Variants in AHNAK2 observed in about 807,000 individuals in gnomAD.
AHNAK2 encodes AHNAK nucleoprotein 2.
Under a neutral mutation model 30.7 loss-of-function variants are expected in AHNAK2, and 18 were observed. The observed-to-expected ratio is 0.59, with a 90% CI of 0.41 to 0.87. The LOEUF (loss-of-function observed/expected upper bound fraction) is 0.87, where lower values mean the gene tolerates loss of function less well. Among genes scored for constraint, AHNAK2 ranks in the 40% least tolerant of loss-of-function variants. The probability of loss-of-function intolerance (pLI) is 0.00; values close to 1 mark genes in which losing one functional copy is unlikely to be tolerated. For missense variants in AHNAK2, 8,604 were observed against 7,373.0 expected, an observed-to-expected ratio of 1.17 and a Z score of -6.11; for synonymous variants, 3,590 against 3,073.8, an observed-to-expected ratio of 1.17 and a Z score of -5.56.
In AHNAK2 at chr14:104,947,615, G is replaced by A. The variant is rs780535535; in HGVS notation, c.7836C>T (p.Ser2612=). Residue 2612 remains serine, a synonymous_variant, in exon 7 of 7, where the codon TCC becomes TCT. Transcript: ENST00000333244. ...GGGCCTGGACGTCCACCTCCATGCT[G>A]GACAGAGACATCTCCACATCGGGGG... ...VTAPDVEMSL[S]SMEVDVQAPR... The A allele has an allele frequency of 2.5e-6, 4 of 1,612,808 alleles. No individual in the cohort carries two copies. In the South Asian group the frequency reaches 4.4e-5, roughly 18 times the overall value.
rs201648026 is a variant in AHNAK2, at chr14:104,941,433, T to G, written c.14018A>C (p.His4673Pro). ...STFPIVESVV[H>P]EGDLHDPSRD... The stretch of plus-strand genomic sequence containing the variant: ...AGATGGATCATGAAGATCACCTTCA[T>G]GAACAACAGATTCCACAATGGGAAA... Residue 4673 changes from histidine (H) to proline (P), a missense_variant, in exon 7 of 7, where the codon CAT becomes CCT. By Grantham distance (77) the His-to-Pro change is moderately conservative (BLOSUM62 -2). Coordinates refer to ENST00000333244, the MANE Select transcript of AHNAK2 (RefSeq NM_138420.4). 2.5e-6 allele frequency: 4 copies of G among 1,612,790 alleles called. No individual in the cohort carries two copies. In the African/African-American group the frequency reaches 5.3e-5, roughly 22 times the overall value.
At position 104,957,675 on chromosome 14, in the gene AHNAK2, G is replaced by A. The variant is rs764625980; in HGVS notation, c.56-3C>T. ...GGGCTGCAGCTGACGGCCGGACACTGCAGAGAGAGTGGCTGTCAGTGGAGA... is the reference window on the plus strand; with the variant it reads ...GGGCTGCAGCTGACGGCCGGACACTACAGAGAGAGTGGCTGTCAGTGGAGA... On this transcript the variant is annotated splice_region_variant and splice_polypyrimidine_tract_variant and intron_variant, in intron 1 of 6. Transcript: ENST00000333244. 6.2e-6 allele frequency: 10 copies of A among 1,609,382 alleles called. No individual in the cohort carries two copies. The highest frequency in any genetic ancestry group is 8.5e-6 in the Non-Finnish European group (10 of 1,178,550).
rs377328325 is a variant in AHNAK2 at position 104,940,248 on chromosome 14, C to A, written c.15203G>T (p.Gly5068Val). The A allele has an allele frequency of 6.2e-7, 1 of 1,613,656 alleles. No individual in the cohort carries two copies. The highest frequency in any genetic ancestry group is 2.2e-5 in the East Asian group (1 of 44,886). ...FQDTEKASSD[G>V]GRGGLGATAS... ...TGTTGCACCAAGTCCTCCCCTACCA[C>A]CGTCACTGCTGGCCTTTTCTGTGTC... The change falls in exon 7 of 7, where the codon GGT becomes GTT. Residue 5068 changes from glycine (G) to valine (V), a missense_variant. By Grantham distance (109) the Gly-to-Val change is moderately radical. Transcript: ENST00000333244. The surrounding 1 kb of genome is among the most constrained non-coding windows in gnomAD (Gnocchi z 4.4).
rs200659301 is a variant in AHNAK2, at chr14:104,949,809, A to T, written c.5642T>A (p.Val1881Glu). The change falls in exon 7 of 7, where the codon GTG becomes GAG. Residue 1881 changes from valine to glutamate, a missense_variant. Transcript: ENST00000333244. ...LCIPLPSADLVVQAGQVDMKL... is the reference protein window; with the variant it reads ...LCIPLPSADLEVQAGQVDMKL... ...CATGTCCACTTGGCCAGCCTGGACCACCAGGTCTGCAGAAGGGAGCGGAAT... is the reference window on the plus strand; with the variant it reads ...CATGTCCACTTGGCCAGCCTGGACCTCCAGGTCTGCAGAAGGGAGCGGAAT... 593 of 1,581,122 alleles carry T rather than the reference A, an allele frequency of 3.8e-4. 70 individuals are homozygous for T. In the African/African-American group the frequency reaches 4.0e-3, roughly 11 times the overall value.
In AHNAK2 at chr14:104,948,071, C is replaced by A; in HGVS notation, c.7380G>T (p.Leu2460=). 6.2e-7 allele frequency: 1 copy of A among 1,613,046 alleles called. No homozygotes were observed. The highest frequency in any genetic ancestry group is 8.5e-7 in the Non-Finnish European group (1 of 1,179,712). The stretch of plus-strand genomic sequence containing the variant: ...GGTCCCCCTCCAGCCACGCACCATC[C>A]AGCTTGGCTCCCGGGGCCTCGACAT... The part of the protein sequence containing the change: ...EVDVEAPGAK[L]DGAWLEGDLS... The change falls in exon 7 of 7, where the codon CTG becomes CTT. Residue 2460 remains leucine, a synonymous_variant. Transcript: ENST00000333244.
In AHNAK2 at chr14:104,953,802, T is replaced by C; in HGVS notation, c.1649A>G (p.Gln550Arg). The C allele has an allele frequency of 2.5e-6, 4 of 1,613,976 alleles. No individual in the cohort carries two copies. Among genetic ancestry groups the C allele is most frequent in the Non-Finnish European group, 3.4e-6 (4 of 1,179,884 alleles). Residue 550 changes from glutamine (Q) to arginine (R), a missense_variant, in exon 7 of 7, where the codon CAG becomes CGG. By Grantham distance (43) the Gln-to-Arg change is conservative. Transcript: ENST00000333244. ...GREPTTHAEA[Q>R]GDEGDGEEGL... ...TTCCTCTCCATCTCCTTCATCCCCC[T>C]GTGCTTCTGCATGTGTGGTTGGTTC...
Position 104,942,552 on chromosome 14 carries a change from A to G in AHNAK2, c.12899T>C (p.Met4300Thr). 1 of 1,612,840 alleles carries G rather than the reference A, an allele frequency of 6.2e-7. No homozygotes were observed. The highest frequency in any genetic ancestry group is 8.5e-7 in the Non-Finnish European group (1 of 1,179,482). ...DMTAKDSKFK[M>T]PKFKMPSFGV... ...GAACGACGGCATCTTGAACTTGGGC[A>G]TTTTGAACTTGCTGTCTTTGGCAGT... Residue 4300 changes from methionine (M) to threonine (T), a missense_variant, in exon 7 of 7, where the codon ATG becomes ACG. Coordinates refer to ENST00000333244, the MANE Select transcript of AHNAK2 (RefSeq NM_138420.4).
In AHNAK2 at chr14:104,943,351, C is replaced by A; in HGVS notation, c.12100G>T (p.Val4034Leu). ...DLEVQAGQVD[V>L]KLPEGPVPEG... ...GGCACGGGGCCCTCTGGGAGTTTCA[C>A]GTCCACTTGGCCAGCCTGGACCTCC... is the stretch of plus-strand genomic sequence containing the variant. Residue 4034 changes from valine (V) to leucine (L), a missense_variant, in exon 7 of 7, where the codon GTG becomes TTG. By Grantham distance (32) the Val-to-Leu change is conservative. Transcript: ENST00000333244. 6.2e-7 allele frequency: 1 copy of A among 1,612,414 alleles called. No individual in the cohort carries two copies. Among genetic ancestry groups the A allele is most frequent in the Non-Finnish European group, 8.5e-7 (1 of 1,179,342 alleles).
chr14:104,951,230 G>A lies in AHNAK2; in HGVS notation c.4221C>T (p.Leu1407=), dbSNP rs763487563. The change falls in exon 7 of 7, where the codon CTC becomes CTT. Residue 1407 remains leucine, a synonymous_variant. Transcript: ENST00000333244. ...PEGPVPEGAG[L]KGHLPKLQMP... ...TCTGCAGCTTGGGCAGGTGCCCTTT[G>A]AGGCCGGCTCCCTCGGGCACGGGGC... The A allele has an allele frequency of 2.7e-5, 29 of 1,062,368 alleles. 7 individuals carry two copies. In the East Asian group the frequency reaches 4.1e-4, roughly 15 times the overall value. 65.8% of individuals were successfully genotyped at this position (1,062,368 alleles called of 1,614,324 possible).
intron 1 of AHNAK2, among the ~76,000 whole-genome samples, chr14:104,976,082 C>T (rs563893572): frequency 2.0e-5 from 3 of 150,840 alleles, no homozygotes; most frequent in African/African-American, 4.9e-5. Context: ...CAGGCCACAC[C>T]GGGGCAGCAG....
chr14:104,946,949 G>C lies in AHNAK2; in HGVS notation c.8502C>G (p.Ala2834=), dbSNP rs376106281. The part of the protein sequence containing the change: ...GVSAPGKSIE[A]SVDVSELKVE... ...CCTTCAGCTCAGACACATCCACCGAGGCCTCGATGGACTTGCCTGGGGCCG... is the reference window on the plus strand; with the variant it reads ...CCTTCAGCTCAGACACATCCACCGACGCCTCGATGGACTTGCCTGGGGCCG... The change falls in exon 7 of 7, where the codon GCC becomes GCG. Residue 2834 remains alanine (A), a synonymous_variant. Coordinates refer to ENST00000333244, the MANE Select transcript of AHNAK2 (RefSeq NM_138420.4). 387 of 1,611,626 alleles carry C rather than the reference G, an allele frequency of 2.4e-4. 5 individuals are homozygous for C. The Middle Eastern group carries it at 2.6e-3, about 11-fold the overall frequency.
rs1048470056 is a variant in AHNAK2, at chr14:104,955,414, AC to A, written c.466+68del. 7 of 1,532,082 alleles carry A rather than the reference AC, an allele frequency of 4.6e-6. No individual in the cohort carries two copies. The African/African-American group carries it at 5.5e-5, about 12-fold the overall frequency. The allele number at this position is 1,532,082 out of a possible 1,614,324, so 94.9% of individuals were successfully genotyped here. A position where few individuals can be genotyped will look rare whatever the true frequency, so the allele number is the denominator to read the frequency against. ...CCAGGTGTGGTTCTTACCCCTCAAT[AC>A]CCCCCTCCAGGTCCCTCCCATCCTG... On this transcript the variant is annotated intron_variant, in intron 5 of 6. Coordinates refer to ENST00000333244, the MANE Select transcript of AHNAK2 (RefSeq NM_138420.4).
chr14:104,945,169 T>C lies in AHNAK2; in HGVS notation c.10282A>G (p.Thr3428Ala). Residue 3428 changes from threonine (T) to alanine (A), a missense_variant, in exon 7 of 7, where the codon ACA becomes GCA. Physicochemically the swap from Thr to Ala is moderately conservative, Grantham distance 58. Transcript: ENST00000333244. ...AGAGACACCTCCACATCAGGGACTG[T>C]CACTTCCGCCTTGGGGACTTTTAGG... ...LDLKVPKAEVTVPDVEVSLPS... is the reference protein window; with the variant it reads ...LDLKVPKAEVAVPDVEVSLPS... The C allele has an allele frequency of 6.2e-7, 1 of 1,613,024 alleles. No individual in the cohort carries two copies. The highest frequency in any genetic ancestry group is 8.5e-7 in the Non-Finnish European group (1 of 1,179,678).
Position 104,938,395 on chromosome 14 carries a change from C to G in AHNAK2, c.17056G>C (p.Glu5686Gln), listed in dbSNP as rs1897875270. ...GCCTTCTCCTGTTTTTTAGGCAGTT[C>G]TGCCTCTGGTCGTGCCTCAGGCTGT... The part of the protein sequence containing the change: ...QTQPEARPEA[E>Q]LPKKQEKAGW... Residue 5686 changes from glutamate to glutamine, a missense_variant, in exon 7 of 7, where the codon GAA becomes CAA. Coordinates refer to ENST00000333244, the MANE Select transcript of AHNAK2 (RefSeq NM_138420.4). The G allele has an allele frequency of 6.2e-7, 1 of 1,613,954 alleles. No homozygotes were observed. The highest frequency in any genetic ancestry group is 8.5e-7 in the Non-Finnish European group (1 of 1,179,874).
intron 1 of AHNAK2, among the ~76,000 whole-genome samples, chr14:104,958,113 C>G (rs777525268): frequency 1.1e-4 from 16 of 152,192 alleles, no homozygotes; most frequent in Non-Finnish European, 2.1e-4. Context: ...CTCTAAATGT[C>G]TACTAATGCT....
Position 104,939,590 on chromosome 14 carries a change from C to T in AHNAK2, c.15861G>A (p.Met5287Ile), listed in dbSNP as rs987981671. 3 of 1,613,742 alleles carry T rather than the reference C, an allele frequency of 1.9e-6. No individual in the cohort carries two copies. The African/African-American group carries it at 4.0e-5, about 22-fold the overall frequency. The change falls in exon 7 of 7, where the codon ATG becomes ATA. Residue 5287 changes from methionine to isoleucine, a missense_variant. Transcript: ENST00000333244. ...CAGAAGTGGAAAGCTCATCCCCAGT[C>T]ATCCCAGCAGTGGAGAGGTGCAGCT... ...GLKLHLSTAG[M>I]TGDELSTSEV...
rs1399728407 is a variant in AHNAK2 at position 104,945,674 on chromosome 14, C to A, written c.9777G>T (p.Lys3259Asn). 3 of 1,595,048 alleles carry A rather than the reference C, an allele frequency of 1.9e-6. No individual in the cohort carries two copies. In the African/African-American group the frequency reaches 4.1e-5, roughly 22 times the overall value. The change falls in exon 7 of 7, where the codon AAG becomes AAT. Residue 3259 changes from lysine to asparagine, a missense_variant. Coordinates refer to ENST00000333244, the MANE Select transcript of AHNAK2 (RefSeq NM_138420.4). ...KGPKLDLKGP[K>N]MDVTAPDVEV... ...CCACGTCGGGGGCCGTCACATCCAT[C>A]TTCGGGCCTTTCAGGTCCAGCTTGG...
intron 1 of AHNAK2, among the ~76,000 whole-genome samples, chr14:104,974,668 C>G (rs1342860675): frequency 1.3e-5 from 2 of 152,240 alleles, no homozygotes; most frequent in Non-Finnish European, 2.9e-5. Context: ...CTATGACCTC[C>G]CAGGTCCCAG....
rs762353008 is a variant in AHNAK2 at position 104,948,769 on chromosome 14, C to T, written c.6682G>A (p.Glu2228Lys). 4.0e-5 allele frequency: 65 copies of T among 1,612,006 alleles called. No homozygotes were observed. Among genetic ancestry groups the T allele is most frequent in the Middle Eastern group, 1.6e-4 (1 of 6,078 alleles). Reference protein sequence around the residue: ...DVKLLEGPVPEEVGLKGHLPK... With the variant: ...DVKLLEGPVPKEVGLKGHLPK... ...AGGTGCCCTTTGAGGCCGACTTCCT[C>T]GGGCACAGGGCCCTCCAGGAGTTTC... Residue 2228 changes from glutamate (E) to lysine (K), a missense_variant, in exon 7 of 7, where the codon GAG becomes AAG. Glu to Lys is a moderately conservative substitution (Grantham distance 56). Coordinates refer to ENST00000333244, the MANE Select transcript of AHNAK2 (RefSeq NM_138420.4).
Sources: allele counts gnomAD v4.1 joint callset (sites outside exome capture counted in the v4.1 genomes callset), GRCh38; gene constraint gnomAD v4.1.1; non-coding constraint Gnocchi (gnomAD v3.1); transcripts MANE v1.5; gene names NCBI Gene and HGNC (gene_info 2026-07-23, HGNC 2026-07-21).